The following TMEM117 variants were observed in gnomAD, a reference collection of about 807,000 sequenced individuals.
TMEM117 encodes transmembrane protein 117.
In TMEM117, 27 loss-of-function variants were observed where a neutral mutation model predicts 52.4. The observed-to-expected ratio is 0.51, with a 90% CI of 0.38 to 0.71. The LOEUF (loss-of-function observed/expected upper bound fraction) is 0.71. Among genes scored for constraint, TMEM117 ranks in the 30% least tolerant of loss-of-function variants. The pLI, the probability that TMEM117 is intolerant of heterozygous loss-of-function variation, is 0.00. For synonymous variants in TMEM117, 215 were observed against 206.3 expected (o/e 1.04, Z -0.36); for missense variants, 556 against 630.5 (o/e 0.88, Z 1.26).
At chr12:44,308,022 G>C (rs769362543) in intron 6 of TMEM117, among the ~76,000 whole-genome samples, 2 of 152,200 alleles carry the variant, frequency 1.3e-5, no homozygotes, top group African/African-American at 4.8e-5. Context: ...AGGGATTATC[G>C]TGAGCGGGAG....
At chr12:43,929,734 A>G (rs1313611712) in intron 2 of TMEM117, among the ~76,000 whole-genome samples, 2 of 152,184 alleles carry the variant, frequency 1.3e-5, no homozygotes, top group Middle Eastern at 3.2e-3. Context: ...ATGGAATAAT[A>G]TATTATGTGC....
At chr12:43,987,762 A>T (rs1344871975) in intron 3 of TMEM117, among the ~76,000 whole-genome samples, 1 of 152,188 alleles carries the variant, frequency 6.6e-6, no homozygotes, top group Non-Finnish European at 1.5e-5. Flanking sequence ...AAAAACATGT[A>T]CATTAATCAT....
At chr12:44,164,710 AG>A (rs1205716238) in intron 4 of TMEM117, among the ~76,000 whole-genome samples, 1 of 152,182 alleles carries the variant, frequency 6.6e-6, no homozygotes, top group African/African-American at 2.4e-5. Context: ...GTCTTGATAG[AG>A]GGGGCAATTG....
intron 3 of TMEM117, among the ~76,000 whole-genome samples, chr12:44,130,312 AG>A (rs1406668579): frequency 6.6e-6 from 1 of 152,178 alleles, no homozygotes; most frequent in Non-Finnish European, 1.5e-5. Context: ...TGTCAATCAA[AG>A]GAGTATTGTC....
intron 2 of TMEM117, among the ~76,000 whole-genome samples, chr12:43,913,994 G>A (rs547664851): frequency 6.6e-6 from 1 of 152,140 alleles, no homozygotes; most frequent in Admixed American, 6.6e-5. Flanking sequence ...TGGGATACCA[G>A]GTATAAATGC....
intron 5 of TMEM117, among the ~76,000 whole-genome samples, chr12:44,286,040 G>A (rs1428219121): frequency 1.3e-5 from 2 of 151,948 alleles, no homozygotes; most frequent in African/African-American, 4.8e-5. Context: ...ATTTAAGTTT[G>A]CTATCCCACT....
At chr12:43,988,993 G>C (rs970950573) in intron 3 of TMEM117, among the ~76,000 whole-genome samples, 1 of 151,990 alleles carries the variant, frequency 6.6e-6, no homozygotes, top group African/African-American at 2.4e-5. Flanking sequence ...GTGGGGCAAT[G>C]TTTTCAAAAG....
intron 2 of TMEM117, among the ~76,000 whole-genome samples, chr12:43,846,457 G>A (rs1296281766): frequency 2.0e-5 from 3 of 152,228 alleles, no homozygotes; most frequent in African/African-American, 7.2e-5. Flanking sequence ...TCAGGGAAGA[G>A]TGTGAAGTTG....
At chr12:44,333,052 A>T (rs1276696059) in intron 6 of TMEM117, among the ~76,000 whole-genome samples, 1 of 152,078 alleles carries the variant, frequency 6.6e-6, no homozygotes, top group Non-Finnish European at 1.5e-5. Context: ...GATGTAAATG[A>T]TTACTGAAGA....
chr12:43,848,642 AAC>A (rs201941491), intron 2 of TMEM117, among the ~76,000 whole-genome samples: 3,394 of 151,932 alleles, frequency 0.022, 78 homozygotes, highest in East Asian at 0.067. Flanking sequence ...ATATTGTTCA[AAC>A]ACACATGTTT....
chr12:43,917,287 G>C (rs1480459341), intron 2 of TMEM117, among the ~76,000 whole-genome samples: 2 of 150,028 alleles, frequency 1.3e-5, no homozygotes, highest in Non-Finnish European at 3.0e-5. Flanking sequence ...TGTAGTCCTA[G>C]CTATTCAAGA....
chr12:43,797,638 T>C, the TMEM117 span: 1 of 1,519,706 alleles, frequency 6.6e-7, no homozygotes, highest in African/African-American at 1.4e-5. Context: ...AATCCATTAA[T>C]AATAAACCCT....
In TMEM117 at chr12:44,053,632, C is replaced by G. The variant is rs140886030; in HGVS notation, c.411-89893C>G. ...TTGTTTTTCTGGCAGCCAGCCTCCC[C>G]ACCCCACATCCATGAACCACTTTGC... On this transcript the variant is annotated intron_variant, in intron 3 of 7. Coordinates refer to ENST00000266534, the MANE Select transcript of TMEM117 (RefSeq NM_032256.3). Among the ~76,000 whole-genome samples, 241 of 152,274 alleles carry G rather than the reference C, an allele frequency of 1.6e-3. 3 individuals are homozygous for G. Among genetic ancestry groups the G allele is most frequent in the Non-Finnish European group, 3.0e-3 (203 of 68,022 alleles).
chr12:43,909,211 CT>C lies in TMEM117; in HGVS notation c.278-34998del, dbSNP rs1450738580. 3.3e-5 allele frequency among the ~76,000 whole-genome samples: 2 copies of C among 60,172 alleles called. 1 individual carries two copies. The highest frequency in any genetic ancestry group is 1.8e-3 in the East Asian group (2 of 1,088). 39.5% of individuals were successfully genotyped at this position (60,172 alleles called of 152,430 possible). On this transcript the variant is annotated intron_variant, in intron 2 of 7. Transcript: ENST00000266534. Reference sequence around the variant, plus strand: ...AAGAATCTCACTCAAAGCCGCTCAACTACATGGAAACTGAACAACCTGCTCC... The same window carrying C: ...AAGAATCTCACTCAAAGCCGCTCAACACATGGAAACTGAACAACCTGCTCC...
chr12:44,098,849 G>A (rs1055783050), intron 3 of TMEM117, among the ~76,000 whole-genome samples: 12 of 152,156 alleles, frequency 7.9e-5, no homozygotes, highest in Admixed American at 7.9e-4. Flanking sequence ...TTTCAGTCAA[G>A]TGATGGAATA....
chr12:43,800,413 AATCCACATACAAAC>A, the TMEM117 span: 1 of 1,569,272 alleles, frequency 6.4e-7, no homozygotes, highest in Non-Finnish European at 8.7e-7. Flanking sequence ...CAACATATAG[AATCCACATACAAAC>A]ATAATACCTT....
intron 4 of TMEM117, among the ~76,000 whole-genome samples, chr12:44,185,048 T>A (rs1949258522): frequency 6.6e-6 from 1 of 152,186 alleles, no homozygotes; most frequent in African/African-American, 2.4e-5. Flanking sequence ...TCAATAGGGT[T>A]GAGTGTAATT....
chr12:44,042,487 A>C (rs536182779), intron 3 of TMEM117, among the ~76,000 whole-genome samples: 1 of 152,154 alleles, frequency 6.6e-6, no homozygotes, highest in Admixed American at 6.5e-5. Context: ...TTAACATTTG[A>C]GTCAGTGGGC....
intron 4 of TMEM117, among the ~76,000 whole-genome samples, chr12:44,171,430 T>C (rs755057889): frequency 3.9e-5 from 6 of 152,204 alleles, no homozygotes; most frequent in Non-Finnish European, 8.8e-5. Context: ...CAGCAATAAT[T>C]ATTACTGTGG....
Sources: gnomAD v4.1 joint callset for allele counts (sites outside exome capture counted in the v4.1 genomes callset) on GRCh38, gnomAD v4.1.1 for gene constraint, MANE v1.5 for transcripts, NCBI Gene and HGNC (gene_info 2026-07-23, HGNC 2026-07-21) for gene names.